The following SLC4A8 variants were observed in gnomAD, a reference collection of about 807,000 sequenced individuals.
SLC4A8 encodes the protein solute carrier family 4 member 8, also known as electroneutral sodium bicarbonate exchanger 1.
In SLC4A8, 40 loss-of-function variants were observed where a neutral mutation model predicts 125.0. The observed-to-expected ratio is 0.32, with a 90% CI of 0.25 to 0.42. SLC4A8 has a LOEUF of 0.42. Among genes scored for constraint, SLC4A8 ranks in the 10% least tolerant of loss-of-function variants. The pLI, the probability that SLC4A8 is intolerant of heterozygous loss-of-function variation, is 1.00. For missense variants in SLC4A8, 863 were observed against 1,355.1 expected, an observed-to-expected ratio of 0.64 and a Z score of 5.70; for synonymous variants, 456 against 476.0, an observed-to-expected ratio of 0.96 and a Z score of 0.55.
At chr12:51,443,463 G>A (rs536731772) in intron 2 of SLC4A8, among the ~76,000 whole-genome samples, 6 of 152,142 alleles carry the variant, frequency 3.9e-5, no homozygotes, top group Admixed American at 1.3e-4. Flanking sequence ...ATCAGAACAC[G>A]TTCCAAAGAT....
chr12:51,394,960 T>C lies in SLC4A8; in HGVS notation c.-112+3472T>C, dbSNP rs541528042. ...GGGAGGATTGCTTGAGCCTAGGAGT[T>C]AGAGGCTGCGGCGAGCTGTGACTGC... On this transcript the variant is annotated intron_variant, in intron 1 of 24. Coordinates refer to the SLC4A8 transcript ENST00000358657. Among the ~76,000 whole-genome samples, 3 of 152,142 alleles carry C rather than the reference T, an allele frequency of 2.0e-5. No homozygotes were observed. The East Asian group carries it at 5.8e-4, about 29-fold the overall frequency.
intron 1 of SLC4A8, among the ~76,000 whole-genome samples, chr12:51,401,592 T>A (rs1014763629): frequency 6.6e-6 from 1 of 152,174 alleles, no homozygotes; most frequent in Non-Finnish European, 1.5e-5. Flanking sequence ...GTTCCTCTAC[T>A]GATCTGTTCC....
At chr12:51,474,924 T>A in intron 15 of SLC4A8, 121 bp from the exon 16 acceptor site, 1 of 877,578 alleles carries the variant, frequency 1.1e-6, no homozygotes. Context: ...GTCAAGGGGA[T>A]GCTGCTTGCA....
At chr12:51,467,538 A>G (rs1021034939) in intron 11 of SLC4A8, 6 of 152,224 alleles carry the variant, frequency 3.9e-5, no homozygotes, top group African/African-American at 1.4e-4. Context: ...CTCCCCTAGC[A>G]TACAGATCCC....
At chr12:51,474,914 G>T (rs893219938) in intron 15 of SLC4A8, 131 bp from the exon 16 acceptor site, 2 of 817,232 alleles carry the variant, frequency 2.4e-6, no homozygotes, top group African/African-American at 3.5e-5. Flanking sequence ...CTGCATAAAG[G>T]TCAAGGGGAT....
At chr12:51,415,415 G>A (rs1432033497) in intron 1 of SLC4A8, among the ~76,000 whole-genome samples, 1 of 152,164 alleles carries the variant, frequency 6.6e-6, no homozygotes, top group Middle Eastern at 3.4e-3. Flanking sequence ...TTCAATCCTG[G>A]TATCTGTTAC....
Position 51,415,180 on chromosome 12 carries a change from GA to G in SLC4A8, c.-112+23703del, listed in dbSNP as rs879491124. ...AAAGTAATTGTGGTTTTTACCATTG[GA>G]AAAAAAAAAAGTCAAATACCGCAAT... On this transcript the variant is annotated intron_variant, in intron 1 of 24. Coordinates refer to the SLC4A8 transcript ENST00000358657. Among the ~76,000 whole-genome samples, 1,340 of 143,640 alleles carry G rather than the reference GA, an allele frequency of 9.3e-3. 16 individuals are homozygous for G. Among genetic ancestry groups the G allele is most frequent in the African/African-American group, 0.03 (1,185 of 39,382 alleles). The allele number at this position is 143,640 out of a possible 152,430, so 94.2% of individuals were successfully genotyped here. A position where few individuals can be genotyped will look rare whatever the true frequency, so the allele number is the denominator to read the frequency against.
In SLC4A8 at chr12:51,457,407, A is replaced by C; in HGVS notation, c.631A>C (p.Lys211Gln). Residue 211 changes from lysine to glutamine, a missense_variant, in exon 6 of 25, where the codon AAA (lysine) becomes CAA (glutamine). Around this residue, in one of 6 missense-constraint regions of SLC4A8, gnomAD observed 390 missense variants for 634.4 expected, o/e 0.61. Coordinates refer to ENST00000453097, the MANE Select transcript of SLC4A8 (RefSeq NM_001039960.3). ...SSDLNDSMRV[K>Q]VREALLKKHH... is the part of the protein sequence containing the mutation. ...TGACCTGAATGACAGCATGAGGGTT[A>C]AAGTGCGGGAAGCCCTTCTCAAAAA... 1 of 1,614,070 alleles carries C rather than the reference A, an allele frequency of 6.2e-7. No homozygotes were observed. The highest frequency in any genetic ancestry group is 8.5e-7 in the Non-Finnish European group (1 of 1,179,926).
rs1337266096 is a variant in SLC4A8, at chr12:51,449,510, C to T, written c.131-1366C>T. 2.6e-5 allele frequency among the ~76,000 whole-genome samples: 4 copies of T among 151,642 alleles called. 1 individual carries two copies. The highest frequency in any genetic ancestry group is 5.9e-5 in the Non-Finnish European group (4 of 67,960). ...GTGGATAAGGTTGTGGATTTGAAGA[C>T]AGTGGCTAAGGATTAGAACAGCTCC... On this transcript the variant is annotated intron_variant, in intron 2 of 24. Transcript: ENST00000453097.
chr12:51,497,076 C>A lies in SLC4A8; in HGVS notation c.3033C>A (p.Ser1011Arg). The change falls in exon 22 of 25, where the codon AGC becomes AGA. Residue 1011 changes from serine (S) to arginine (R), a missense_variant. Ser to Arg is a moderately radical substitution (Grantham distance 110). This residue lies in a region of SLC4A8 where 92 missense variants were observed against 125.6 expected (regional missense o/e 0.73). Transcript: ENST00000453097. ...GGCTAGATGATCTCATGCCTGAAAG[C>A]AAAAAGAAGAAGTTGGATGATGCCA... ...LSWLDDLMPESKKKKLDDAKK... is the reference protein window; with the variant it reads ...LSWLDDLMPERKKKKLDDAKK... 2 of 1,612,718 alleles carry A rather than the reference C, an allele frequency of 1.2e-6. No homozygotes were observed. The highest frequency in any genetic ancestry group is 1.7e-6 in the Non-Finnish European group (2 of 1,179,648).
intron 11 of SLC4A8, 130 bp downstream of exon 11, chr12:51,463,844 A>G (rs1950430509): frequency 1.6e-6 from 1 of 619,544 alleles, no homozygotes; most frequent in Admixed American, 3.0e-5. Flanking sequence ...GACTTTTCAA[A>G]TGGAACCACT....
intron 21 of SLC4A8, among the ~76,000 whole-genome samples, chr12:51,495,470 CTTTTTT>C (rs3028942): frequency 1.3e-5 from 1 of 76,276 alleles, no homozygotes; most frequent in Non-Finnish European, 2.4e-5. Context: ...TTTCTTTCTT[CTTTTTT>C]TTTTTTTTTT....
At chr12:51,403,041 G>C in intron 1 of SLC4A8, 1 of 366,252 alleles carries the variant, frequency 2.7e-6, no homozygotes, top group Non-Finnish European at 5.6e-6. Context: ...TCATGGGTAA[G>C]TTGTTTAGCC....
intron 22 of SLC4A8, among the ~76,000 whole-genome samples, chr12:51,503,356 C>T (rs892846584): frequency 1.3e-5 from 2 of 151,644 alleles, no homozygotes; most frequent in Non-Finnish European, 1.5e-5. Flanking sequence ...GGACTACAGG[C>T]GCCCGCCACC....
Position 51,469,623 on chromosome 12 carries a change from G to A in SLC4A8, c.1359G>A (p.Gly453=). Residue 453 remains glycine, a synonymous_variant, in exon 12 of 25, where the codon GGG becomes GGA. Transcript: ENST00000453097. ...TGTTGTGTTTCCACAGGCTATTTGG[G>A]GGCTTGGTGCTGGACATCAAGCGGA... ...PELQRTGRLF[G]GLVLDIKRKA... The A allele has an allele frequency of 6.2e-7, 1 of 1,613,220 alleles. No individual in the cohort carries two copies.
At chr12:51,495,221 G>GTACTTAATGCCACTCAACT in intron 21 of SLC4A8, 103 bp downstream of exon 21, 1 of 945,230 alleles carries the variant, frequency 1.1e-6, no homozygotes, top group Non-Finnish European at 1.6e-6. Flanking sequence ...ACAGTTGAGT[G>GTACTTAATGCCACTCAACT]GCATTAAGTA....
intron 8 of SLC4A8, among the ~76,000 whole-genome samples, chr12:51,460,345 G>A (rs1342982969): frequency 6.6e-6 from 1 of 152,178 alleles, no homozygotes; most frequent in South Asian, 2.1e-4. Context: ...AGAATCCTAG[G>A]ATAGCACCAT....
At chr12:51,432,989 C>T (rs1949246332) in intron 1 of SLC4A8, among the ~76,000 whole-genome samples, 1 of 152,112 alleles carries the variant, frequency 6.6e-6, no homozygotes, top group Non-Finnish European at 1.5e-5. Context: ...CACGCAGGTC[C>T]AGAGAGGAGC....
At chr12:51,474,716 G>C in intron 15 of SLC4A8, 1 of 572,428 alleles carries the variant, frequency 1.7e-6, no homozygotes, top group East Asian at 2.8e-5. Context: ...ATGCAGGACA[G>C]GGGGCAGATC....
Sources: allele counts gnomAD v4.1 joint callset (sites outside exome capture counted in the v4.1 genomes callset), GRCh38; gene constraint gnomAD v4.1.1; regional missense constraint gnomAD v4.1.1; transcripts MANE v1.5; gene names NCBI Gene and HGNC (gene_info 2026-07-23, HGNC 2026-07-21).